SGMS1: variants seen among roughly 807,000 people sequenced by gnomAD.
The protein encoded by SGMS1 is sphingomyelin synthase 1.
In SGMS1, 13 loss-of-function variants were observed where a neutral mutation model predicts 46.2. The ratio of observed to expected loss-of-function variants is 0.28; its 90% CI spans 0.18 to 0.45. The LOEUF (loss-of-function observed/expected upper bound fraction) is 0.45, where lower values mean the gene tolerates loss of function less well. Among genes scored for constraint, SGMS1 ranks in the 20% least tolerant of loss-of-function variants. The probability of loss-of-function intolerance (pLI) is 1.00; values close to 1 mark genes in which losing one functional copy is unlikely to be tolerated. For synonymous variants in SGMS1, 203 were observed against 187.8 expected, an observed-to-expected ratio of 1.08 and a Z score of -0.66; for missense variants, 324 against 519.9, an observed-to-expected ratio of 0.62 and a Z score of 3.66.
intron 1 of SGMS1, among the ~76,000 whole-genome samples, chr10:50,617,682 A>T (rs920507316): frequency 1.3e-5 from 2 of 152,112 alleles, no homozygotes; most frequent in African/African-American, 4.8e-5. Context: ...CCTGAGCTCA[A>T]GCAATCCTCC....
At chr10:50,450,956 C>T (rs1837101030) in intron 5 of SGMS1, among the ~76,000 whole-genome samples, 1 of 151,424 alleles carries the variant, frequency 6.6e-6, no homozygotes, top group African/African-American at 2.4e-5. Context: ...TATTTACATT[C>T]TAAAATTTGA....
intron 2 of SGMS1, among the ~76,000 whole-genome samples, chr10:50,588,364 C>T (rs148491048): frequency 1.3e-3 from 193 of 152,210 alleles, no homozygotes; most frequent in African/African-American, 4.2e-3. Flanking sequence ...TACACAGGGA[C>T]GACTTGAGGA....
chr10:50,508,323 A>G (rs1370309984), intron 3 of SGMS1, among the ~76,000 whole-genome samples: 1 of 152,210 alleles, frequency 6.6e-6, no homozygotes, highest in Non-Finnish European at 1.5e-5. Flanking sequence ...ATGTCCTCAT[A>G]GTAGGCCACA....
At chr10:50,413,765 T>C (rs903016874) in intron 6 of SGMS1, among the ~76,000 whole-genome samples, 1 of 152,218 alleles carries the variant, frequency 6.6e-6, no homozygotes, top group African/African-American at 2.4e-5. Flanking sequence ...AACAACTGGT[T>C]GAAGACTGTA....
At chr10:50,343,001 C>G (rs1847844571) in intron 7 of SGMS1, 1 of 153,652 alleles carries the variant, frequency 6.5e-6, no homozygotes, top group South Asian at 2.0e-4. Flanking sequence ...TCCCAACAAC[C>G]CAAGCCACTC....
At chr10:50,390,090 A>T (rs1451985978) in intron 6 of SGMS1, among the ~76,000 whole-genome samples, 1 of 152,226 alleles carries the variant, frequency 6.6e-6, no homozygotes, top group Non-Finnish European at 1.5e-5. Flanking sequence ...AAATTATATT[A>T]ACCTATTTTA....
At chr10:50,382,244 A>G (rs1225049763) in intron 6 of SGMS1, among the ~76,000 whole-genome samples, 1 of 152,200 alleles carries the variant, frequency 6.6e-6, no homozygotes, top group Non-Finnish European at 1.5e-5. Context: ...CATATACAAT[A>G]GGAAATTAAA....
intron 6 of SGMS1, among the ~76,000 whole-genome samples, chr10:50,364,501 C>A (rs1451741461): frequency 2.6e-5 from 4 of 152,168 alleles, no homozygotes; most frequent in African/African-American, 9.7e-5. Context: ...CATCCTTGAC[C>A]TTCCTTATTA....
intron 2 of SGMS1, among the ~76,000 whole-genome samples, chr10:50,559,147 G>A (rs1177028379): frequency 2.0e-5 from 3 of 152,100 alleles, no homozygotes; most frequent in Admixed American, 6.5e-5. Flanking sequence ...AACATGTCAC[G>A]GGGTGCACAT....
chr10:50,562,334 C>CTG, intron 2 of SGMS1, among the ~76,000 whole-genome samples: 1 of 131,268 alleles, frequency 7.6e-6, no homozygotes, highest in African/African-American at 2.8e-5. Context: ...CAAACACTCT[C>CTG]TGAGTGTGTG....
chr10:50,531,933 G>A (rs149630136), intron 2 of SGMS1, among the ~76,000 whole-genome samples: 83 of 152,322 alleles, frequency 5.4e-4, no homozygotes, highest in African/African-American at 1.9e-3. Flanking sequence ...AAGTGGTCAA[G>A]CCAGGATTGC....
At chr10:50,316,359 C>G (rs1037611051) in intron 8 of SGMS1, among the ~76,000 whole-genome samples, 1 of 152,206 alleles carries the variant, frequency 6.6e-6, no homozygotes, top group Non-Finnish European at 1.5e-5. Flanking sequence ...CCAGGAAAGT[C>G]AGCAAGGCAG....
intron 2 of SGMS1, among the ~76,000 whole-genome samples, chr10:50,582,950 GA>G (rs1408589965): frequency 5.3e-5 from 8 of 152,228 alleles, no homozygotes; most frequent in African/African-American, 1.9e-4. Context: ...TCTGTCAAAT[GA>G]AGAGGACACT....
chr10:50,456,855 G>A (rs1044711853), intron 5 of SGMS1, among the ~76,000 whole-genome samples: 4 of 152,138 alleles, frequency 2.6e-5, no homozygotes, highest in Non-Finnish European at 4.4e-5. Context: ...AAAGAAAAAT[G>A]GGTTTTCAAA....
chr10:50,431,497 T>C (rs1413966040), intron 6 of SGMS1, among the ~76,000 whole-genome samples: 1 of 152,218 alleles, frequency 6.6e-6, no homozygotes, highest in Non-Finnish European at 1.5e-5. Context: ...CAGGGTTCGA[T>C]TGCTTCCTTC....
At chr10:50,465,323 G>A (rs1837316425) in intron 4 of SGMS1, among the ~76,000 whole-genome samples, 1 of 151,980 alleles carries the variant, frequency 6.6e-6, no homozygotes, top group Non-Finnish European at 1.5e-5. Flanking sequence ...TTTGGGAAGA[G>A]CCTTTAACAT....
At chr10:50,421,441 G>A (rs1014462975) in intron 6 of SGMS1, among the ~76,000 whole-genome samples, 2 of 152,128 alleles carry the variant, frequency 1.3e-5, no homozygotes, top group African/African-American at 4.8e-5. Flanking sequence ...CACCTGAATG[G>A]CTCCCACTGG....
intron 6 of SGMS1, among the ~76,000 whole-genome samples, chr10:50,416,799 G>T (rs1849175035): frequency 1.5e-5 from 2 of 131,678 alleles, no homozygotes; most frequent in Non-Finnish European, 1.6e-5. Context: ...ATTCCATTTA[G>T]AAGTGGTTTC....
chr10:50,544,441 C>A (rs543872340), intron 2 of SGMS1, among the ~76,000 whole-genome samples: 3 of 152,326 alleles, frequency 2.0e-5, no homozygotes, highest in Admixed American at 2.0e-4. Flanking sequence ...TGAAGGCAAA[C>A]AAGTTTAAGA....
Sources: gnomAD v4.1 joint callset for allele counts (sites outside exome capture counted in the v4.1 genomes callset) on GRCh38, gnomAD v4.1.1 for gene constraint, MANE v1.5 for transcripts, NCBI Gene and HGNC (gene_info 2026-07-23, HGNC 2026-07-21) for gene names.